TRHDE: variants seen among roughly 807,000 people sequenced by gnomAD.
The protein encoded by TRHDE is thyrotropin-releasing hormone-degrading ectoenzyme.
TRHDE carries 72 observed loss-of-function variants against 125.7 expected under a neutral mutation model. The ratio of observed to expected loss-of-function variants is 0.57; its 90% CI spans 0.47 to 0.70. TRHDE has a LOEUF of 0.70. Ranked by LOEUF, TRHDE falls within the 30% of genes least tolerant of loss-of-function variation. The pLI is 0.00. For synonymous variants in TRHDE, 509 were observed against 509.1 expected (o/e 1.00, Z 0.00); for missense variants, 1,110 against 1,327.1 (o/e 0.84, Z 2.54).
At chr12:72,181,002 C>T (rs1478020315) in intron 2 of TRHDE, among the ~76,000 whole-genome samples, 1 of 152,074 alleles carries the variant, frequency 6.6e-6, no homozygotes, top group Non-Finnish European at 1.5e-5. Context: ...TGCTAATGAC[C>T]TGGTAATTGT....
intron 2 of TRHDE, among the ~76,000 whole-genome samples, chr12:72,313,647 A>G (rs1319618577): frequency 6.6e-6 from 1 of 152,172 alleles, no homozygotes; most frequent in Non-Finnish European, 1.5e-5. Flanking sequence ...AGAATAAGTA[A>G]TCTTAACAAA....
Position 72,575,270 on chromosome 12 carries a change from C to G in TRHDE, c.2147C>G (p.Thr716Ser), listed in dbSNP as rs368504276. 16 of 1,613,220 alleles carry G rather than the reference C, an allele frequency of 9.9e-6. No homozygotes were observed. Among genetic ancestry groups the G allele is most frequent in the Non-Finnish European group, 1.4e-5 (16 of 1,179,584 alleles). Reference sequence around the variant, plus strand: ...CTTTTTTCAGAGCACCACAGAATAACTTATTTGGACAAAGGAAGCTGGCTG... The same window carrying G: ...CTTTTTTCAGAGCACCACAGAATAAGTTATTTGGACAAAGGAAGCTGGCTG... ...VSNKSEHHRITYLDKGSWLLG... is the reference protein window; with the variant it reads ...VSNKSEHHRISYLDKGSWLLG... The change falls in exon 11 of 19, where the codon ACT (threonine) becomes AGT (serine). Residue 716 changes from threonine to serine, a missense_variant. Physicochemically the swap from Thr to Ser is moderately conservative, Grantham distance 58. This residue lies in a region of TRHDE where 527 missense variants were observed against 651.8 expected (regional missense o/e 0.81). Coordinates refer to ENST00000261180, the MANE Select transcript of TRHDE (RefSeq NM_013381.3).
chr12:72,252,272 T>C (rs1878701923), intron 2 of TRHDE, among the ~76,000 whole-genome samples: 1 of 152,136 alleles, frequency 6.6e-6, no homozygotes, highest in African/African-American at 2.4e-5. Flanking sequence ...TACATTTAAG[T>C]CTATTATCAA....
chr12:72,534,912 T>C (rs1413774697), intron 6 of TRHDE, among the ~76,000 whole-genome samples: 1 of 152,048 alleles, frequency 6.6e-6, no homozygotes, highest in African/African-American at 2.4e-5. Flanking sequence ...AAGAAGAGCT[T>C]AACCAGTGTA....
intron 3 of TRHDE, among the ~76,000 whole-genome samples, chr12:72,395,208 C>G (rs1413054797): frequency 6.6e-6 from 1 of 152,130 alleles, no homozygotes; most frequent in Non-Finnish European, 1.5e-5. Flanking sequence ...CCCTCCTTCT[C>G]CAATGAGGTT....
chr12:72,620,349 A>AAAAAAAAAAAAAG, intron 13 of TRHDE, among the ~76,000 whole-genome samples: 1 of 149,762 alleles, frequency 6.7e-6, no homozygotes. Flanking sequence ...AAAAAAAAAA[A>AAAAAAAAAAAAAG]AAAAAAAAAA....
chr12:72,490,213 C>T (rs1027479820), intron 5 of TRHDE, among the ~76,000 whole-genome samples: 6 of 151,612 alleles, frequency 4.0e-5, no homozygotes, highest in African/African-American at 7.3e-5. Flanking sequence ...TAAAAATAGC[C>T]AGCAGATATA....
chr12:72,535,085 ATACC>A (rs1175205925), intron 6 of TRHDE, among the ~76,000 whole-genome samples: 1 of 152,088 alleles, frequency 6.6e-6, no homozygotes, highest in African/African-American at 2.4e-5. Flanking sequence ...GATGATATCA[ATACC>A]TATATACTTT....
intron 14 of TRHDE, 24 bp downstream of exon 14, chr12:72,621,229 C>T: frequency 6.9e-7 from 1 of 1,449,992 alleles, no homozygotes; most frequent in Non-Finnish European, 9.7e-7. Context: ...TTCTTATCCT[C>T]TTCTTTACCC....
intron 7 of TRHDE, among the ~76,000 whole-genome samples, chr12:72,559,909 T>A (rs1057238234): frequency 6.6e-6 from 1 of 152,228 alleles, no homozygotes; most frequent in Non-Finnish European, 1.5e-5. Context: ...TCAGTATTTG[T>A]AGTTGTTCTC....
chr12:72,287,592 A>T (rs1174305835), intron 2 of TRHDE, among the ~76,000 whole-genome samples: 1 of 152,050 alleles, frequency 6.6e-6, no homozygotes, highest in Non-Finnish European at 1.5e-5. Context: ...ACACACACAC[A>T]CACACACACA....
At chr12:72,563,774 T>C (rs1870298768) in intron 9 of TRHDE, among the ~76,000 whole-genome samples, 1 of 140,228 alleles carries the variant, frequency 7.1e-6, no homozygotes, top group Non-Finnish European at 1.5e-5. Flanking sequence ...GATGCCCTAG[T>C]AAGACTTTCG....
intron 2 of TRHDE, among the ~76,000 whole-genome samples, chr12:72,180,240 T>C (rs970050401): frequency 1.3e-5 from 2 of 152,158 alleles, no homozygotes; most frequent in African/African-American, 4.8e-5. Context: ...ACAATTTAGA[T>C]ACTTTGAGTC....
intron 15 of TRHDE, among the ~76,000 whole-genome samples, chr12:72,647,894 G>A (rs1874346511): frequency 6.6e-6 from 1 of 151,952 alleles, no homozygotes; most frequent in Non-Finnish European, 1.5e-5. Flanking sequence ...AATTGATGAG[G>A]AACACTTCCA....
At chr12:72,548,249 A>C (rs1869515718) in intron 7 of TRHDE, among the ~76,000 whole-genome samples, 1 of 151,706 alleles carries the variant, frequency 6.6e-6, no homozygotes, top group African/African-American at 2.4e-5. Context: ...TCTCTGTAGA[A>C]GTTCTTAGTG....
chr12:72,414,039 CTG>C (rs953940505), intron 3 of TRHDE, among the ~76,000 whole-genome samples: 49 of 152,150 alleles, frequency 3.2e-4, no homozygotes, highest in Non-Finnish European at 1.5e-5. Context: ...TAGGCTGCCT[CTG>C]TCAGAATTTT....
chr12:72,168,126 A>G (rs773098571), intron 2 of TRHDE, among the ~76,000 whole-genome samples: 4 of 152,208 alleles, frequency 2.6e-5, no homozygotes, highest in Admixed American at 6.5e-5. Context: ...GCAGATATGC[A>G]TATTTTGGAG....
At chr12:72,643,222 A>T (rs895302532) in intron 15 of TRHDE, among the ~76,000 whole-genome samples, 5 of 152,214 alleles carry the variant, frequency 3.3e-5, no homozygotes, top group Non-Finnish European at 7.3e-5. Context: ...GCAACTGCTA[A>T]TAGGGCTATT....
chr12:72,473,009 A>G (rs1169522735), intron 4 of TRHDE, 58 bp from the exon 5 acceptor site: 1 of 1,289,512 alleles, frequency 7.8e-7, no homozygotes, highest in Non-Finnish European at 1.1e-6. Flanking sequence ...AATTTTAGAT[A>G]AAATAGTTTG....
Sources: allele counts gnomAD v4.1 joint callset (sites outside exome capture counted in the v4.1 genomes callset), GRCh38; gene constraint gnomAD v4.1.1; regional missense constraint gnomAD v4.1.1; transcripts MANE v1.5; gene names NCBI Gene and HGNC (gene_info 2026-07-23, HGNC 2026-07-21).